TTC9B: variants seen among roughly 807,000 people sequenced by gnomAD.
TTC9B encodes the protein tetratricopeptide repeat protein 9B.
A neutral mutation model predicts 19.4 loss-of-function variants in TTC9B; 12 were observed. That is an observed-to-expected ratio of 0.62 (90% CI 0.40 to 1.00). TTC9B has a LOEUF of 1.00. Ranked by LOEUF, TTC9B falls within the 50% of genes least tolerant of loss-of-function variation. The pLI, the probability that TTC9B is intolerant of heterozygous loss-of-function variation, is 0.00. For missense variants in TTC9B, 316 were observed against 345.2 expected (o/e 0.92, Z 0.67); for synonymous variants, 156 against 158.6 (o/e 0.98, Z 0.12).
At chr19:40,216,534 T>G in intron 2 of TTC9B, 1 of 495,146 alleles carries the variant, frequency 2.0e-6, no homozygotes, top group African/African-American at 1.9e-5. Context: ...ACACTTCTCA[T>G]CCTCCAGCGA....
In TTC9B at chr19:40,216,184, C is replaced by T; in HGVS notation, c.699G>A (p.Gln233=). Residue 233 remains glutamine, a synonymous_variant, in exon 3 of 3, where the codon CAG becomes CAA. Coordinates refer to ENST00000311308, the MANE Select transcript of TTC9B (RefSeq NM_152479.6). Reference sequence around the variant, plus strand: ...GGCCTCAGCCAATTACATCCCGAGTCTGGGACCCAGCCCCACTGTCTTCCC... The same window carrying T: ...GGCCTCAGCCAATTACATCCCGAGTTTGGGACCCAGCCCCACTGTCTTCCC... ...LQREDSGAGS[Q]TRDVIG is the part of the protein sequence containing the mutation. The T allele has an allele frequency of 2.5e-6, 4 of 1,614,210 alleles. No homozygotes were observed. The highest frequency in any genetic ancestry group is 3.4e-6 in the Non-Finnish European group (4 of 1,180,030).
In TTC9B at chr19:40,217,993, AC is replaced by A; in HGVS notation, c.388del (p.Val130TrpfsTer22). 2.2e-6 allele frequency: 3 copies of A among 1,394,968 alleles called. No homozygotes were observed. Among genetic ancestry groups the A allele is most frequent in the Non-Finnish European group, 2.8e-6 (3 of 1,080,880 alleles). The allele number at this position is 1,394,968 out of a possible 1,614,324, so 86.4% of individuals were successfully genotyped here. On this transcript the variant is annotated frameshift_variant, in exon 1 of 3. Coordinates refer to ENST00000311308, the MANE Select transcript of TTC9B (RefSeq NM_152479.6). LOFTEE classifies it high-confidence loss of function. ...ARLSEEQRRL[V>X]ESTEVECYDS... is the part of the protein sequence containing the mutation. ...GTAACACTCCACCTCCGTGCTCTCC[AC>A]CAGGCGCCGCTGCTCCTCGCTGAGG... is the stretch of plus-strand genomic sequence containing the variant.
chr19:40,216,581 C>T lies in TTC9B; in HGVS notation c.611-309G>A, dbSNP rs1242868574. 9.6e-6 allele frequency: 4 copies of T among 418,484 alleles called. No homozygotes were observed. In the East Asian group the frequency reaches 1.4e-4, roughly 15 times the overall value. 25.9% of individuals were successfully genotyped at this position (418,484 alleles called of 1,614,324 possible). ...AGTCTGTTCTCTCCGAGCCACTTAA[C>T]AGGAAAACTAATCTCGTCTCGGCTC... On this transcript the variant is annotated intron_variant, in intron 2 of 2. Transcript: ENST00000311308.
chr19:40,217,420 A>C (rs922672156), intron 1 of TTC9B, 51 bp from the exon 2 acceptor site: 1 of 1,577,048 alleles, frequency 6.3e-7, no homozygotes, highest in African/African-American at 1.3e-5. Flanking sequence ...CACCCCCAGA[A>C]CCCACCTGAC....
In TTC9B at chr19:40,217,980, C is replaced by T. The variant is rs1182357352; in HGVS notation, c.402G>A (p.Glu134=). ...EEQRRLVEST[E]VECYDSLTAC... ...CCGTGAGGGAGTCGTAACACTCCAC[C>T]TCCGTGCTCTCCACCAGGCGCCGCT... The change falls in exon 1 of 3, where the codon GAG becomes GAA. Residue 134 remains glutamate, a synonymous_variant. Transcript: ENST00000311308. The T allele has an allele frequency of 6.7e-7, 1 of 1,494,768 alleles. No homozygotes were observed. Among genetic ancestry groups the T allele is most frequent in the Admixed American group, 2.2e-5 (1 of 45,662 alleles). 92.6% of individuals were successfully genotyped at this position (1,494,768 alleles called of 1,614,324 possible). A position where few individuals can be genotyped will look rare whatever the true frequency, so the allele number is the denominator to read the frequency against.
In TTC9B at chr19:40,217,350, C is replaced by G. The variant is rs2145107865; in HGVS notation, c.447G>C (p.Glu149Asp). 6.2e-7 allele frequency: 1 copy of G among 1,612,960 alleles called. No individual in the cohort carries two copies. Among genetic ancestry groups the G allele is most frequent in the Middle Eastern group, 1.7e-4 (1 of 6,052 alleles). Residue 149 changes from glutamate to aspartate, a missense_variant, in exon 2 of 3, where the codon GAG becomes GAC. Physicochemically the swap from Glu to Asp is conservative, Grantham distance 45. Coordinates refer to ENST00000311308, the MANE Select transcript of TTC9B (RefSeq NM_152479.6). The part of the protein sequence containing the change: ...DSLTACLLQS[E>D]LVNYERVREY... ...CGCGCACGCGCTCGTAGTTTACCAGCTCCGACTGCAGCAGGCAAGCTGCGA... is the reference window on the plus strand; with the variant it reads ...CGCGCACGCGCTCGTAGTTTACCAGGTCCGACTGCAGCAGGCAAGCTGCGA...
chr19:40,217,938 AC>A lies in TTC9B; in HGVS notation c.427+16del. On this transcript the variant is annotated intron_variant, in intron 1 of 2. Transcript: ENST00000311308. ...CCCTCCCCTCGTGCCCCATCCCCCC[AC>A]CCCCCGACGGCGTACCCGTGAGGGA... 2.2e-5 allele frequency: 14 copies of A among 623,370 alleles called. No individual in the cohort carries two copies. The highest frequency in any genetic ancestry group is 1.5e-4 in the South Asian group (6 of 39,518). The allele number at this position is 623,370 out of a possible 1,614,324, so 38.6% of individuals were successfully genotyped here. A position where few individuals can be genotyped will look rare whatever the true frequency, so the allele number is the denominator to read the frequency against.
rs145217647 is a variant in TTC9B, at chr19:40,216,718, GCACA to G, written c.611-450_611-447del. 1.8e-4 allele frequency: 50 copies of G among 277,960 alleles called. 1 individual carries two copies. Among genetic ancestry groups the G allele is most frequent in the African/African-American group, 8.2e-4 (38 of 46,070 alleles). The allele number at this position is 277,960 out of a possible 1,614,324, so 17.2% of individuals were successfully genotyped here. A position where few individuals can be genotyped will look rare whatever the true frequency, so the allele number is the denominator to read the frequency against. On this transcript the variant is annotated intron_variant, in intron 2 of 2. Coordinates refer to ENST00000311308, the MANE Select transcript of TTC9B (RefSeq NM_152479.6). ...CATGTGTGTAAGTGCACACATGCAC[GCACA>G]CACACACACACCCCAATTTCCTGGC...
intron 2 of TTC9B, chr19:40,216,726 A>T (rs1973372576): frequency 3.4e-6 from 1 of 293,654 alleles, no homozygotes; most frequent in Non-Finnish European, 6.6e-6. Context: ...ACGCACACAC[A>T]CACACACCCC....
chr19:40,217,517 A>G, intron 1 of TTC9B, 148 bp from the exon 2 acceptor site: 1 of 1,018,652 alleles, frequency 9.8e-7, no homozygotes, highest in Non-Finnish European at 1.4e-6. Context: ...TCGCCTATCG[A>G]AACAGGCGCA....
chr19:40,216,786 T>G (rs1479142158), intron 2 of TTC9B: 2 of 342,848 alleles, frequency 5.8e-6, no homozygotes, highest in African/African-American at 2.1e-5. Context: ...GTGCAGGAAG[T>G]GAATGAATAG....
intron 1 of TTC9B, 136 bp from the exon 2 acceptor site, chr19:40,217,505 G>T (rs894914912): frequency 5.2e-6 from 6 of 1,146,652 alleles, no homozygotes; most frequent in Non-Finnish European, 7.2e-6. Flanking sequence ...GCGCCAATCC[G>T]CTCGCCTATC....
At chr19:40,216,399 A>T (rs781694845) in intron 2 of TTC9B, 127 bp from the exon 3 acceptor site, 5 of 678,974 alleles carry the variant, frequency 7.4e-6, no homozygotes, top group Non-Finnish European at 1.3e-5. Context: ...GTAGAGCCAG[A>T]GCCCTTCCCC....
At chr19:40,216,994 G>A in intron 2 of TTC9B, 193 bp downstream of exon 2, 2 of 619,244 alleles carry the variant, frequency 3.2e-6, no homozygotes, top group South Asian at 4.0e-5. Context: ...TTGAATGGCG[G>A]GTGAAGGGCG....
At chr19:40,216,463 T>A in intron 2 of TTC9B, 191 bp from the exon 3 acceptor site, 1 of 574,310 alleles carries the variant, frequency 1.7e-6, no homozygotes, top group East Asian at 3.0e-5. Context: ...ATCGCACACC[T>A]CTGTGCGCCT....
In TTC9B at chr19:40,218,023, G is replaced by A. The variant is rs1458613230; in HGVS notation, c.359C>T (p.Ala120Val). 2 of 1,486,478 alleles carry A rather than the reference G, an allele frequency of 1.3e-6. No homozygotes were observed. Among genetic ancestry groups the A allele is most frequent in the African/African-American group, 1.5e-5 (1 of 68,210 alleles). The allele number at this position is 1,486,478 out of a possible 1,614,324, so 92.1% of individuals were successfully genotyped here. A position where few individuals can be genotyped will look rare whatever the true frequency, so the allele number is the denominator to read the frequency against. The change falls in exon 1 of 3, where the codon GCG (alanine) becomes GTG (valine). Residue 120 changes from alanine to valine, a missense_variant. Transcript: ENST00000311308. This position sits in a 1 kb window ranked among gnomAD's most constrained non-coding sequence, Gnocchi z 4.2. The part of the protein sequence containing the change: ...APGPTSSPGP[A>V]RLSEEQRRLV... The stretch of plus-strand genomic sequence containing the variant: ...GCGCCGCTGCTCCTCGCTGAGGCGC[G>A]CCGGCCCGGGGCTGCTGGTGGGCCC...
rs1202785184 is a variant in TTC9B, at chr19:40,217,311, C to T, written c.486G>A (p.Lys162=). Residue 162 remains lysine (K), a synonymous_variant, in exon 2 of 3, where the codon AAG becomes AAA. Transcript: ENST00000311308. The stretch of plus-strand genomic sequence containing the variant: ...AGTTGCCCTGCTGCTTCTCCAGTAC[C>T]TTGAGACAGTACTCGCGCACGCGCT... ...NYERVREYCL[K]VLEKQQGNFK... is the part of the protein sequence containing the mutation. The T allele has an allele frequency of 6.2e-7, 1 of 1,614,064 alleles. No individual in the cohort carries two copies. The highest frequency in any genetic ancestry group is 1.7e-5 in the Admixed American group (1 of 60,030).
At position 40,218,118 on chromosome 19, in the gene TTC9B, G is replaced by A. The variant is rs762772963; in HGVS notation, c.264C>T (p.Tyr88=). The A allele has an allele frequency of 8.3e-6, 13 of 1,570,848 alleles. No individual in the cohort carries two copies. The South Asian group carries it at 1.5e-4, about 18-fold the overall frequency. ...CCTTCAGCTGCAGCAGCGCTCGGTG[G>A]TACTTGCCGATGGCCTCCCGGAACT... is the stretch of plus-strand genomic sequence containing the variant. ...EKKFREAIGK[Y]HRALLQLKAA... Residue 88 remains tyrosine (Y), a synonymous_variant, in exon 1 of 3, where the codon TAC becomes TAT. Coordinates refer to ENST00000311308, the MANE Select transcript of TTC9B (RefSeq NM_152479.6). The surrounding 1 kb of genome is among the most constrained non-coding windows in gnomAD (Gnocchi z 4.2).
rs368124739 is a variant in TTC9B at position 40,217,171 on chromosome 19, C to G, written c.610+16G>C. 2 of 1,604,108 alleles carry G rather than the reference C, an allele frequency of 1.2e-6. No individual in the cohort carries two copies. Among genetic ancestry groups the G allele is most frequent in the African/African-American group, 2.7e-5 (2 of 74,846 alleles). ...CCTGGGCCCAGCCCTCACCTCTGCCCCGCCCCGCCACTCACCTGTGGGTTC... is the reference window on the plus strand; with the variant it reads ...CCTGGGCCCAGCCCTCACCTCTGCCGCGCCCCGCCACTCACCTGTGGGTTC... On this transcript the variant is annotated intron_variant, in intron 2 of 2. Coordinates refer to ENST00000311308, the MANE Select transcript of TTC9B (RefSeq NM_152479.6).
Sources: allele counts gnomAD v4.1 joint callset, GRCh38; gene constraint gnomAD v4.1.1; non-coding constraint Gnocchi (gnomAD v3.1); transcripts MANE v1.5; gene names NCBI Gene and HGNC (gene_info 2026-07-23, HGNC 2026-07-21).